LRP1: variants seen among roughly 807,000 people sequenced by gnomAD.
LRP1 encodes the protein LDL receptor related protein 1.
In LRP1, 51 loss-of-function variants were observed where a neutral mutation model predicts 541.5. The ratio of observed to expected loss-of-function variants is 0.09; its 90% CI spans 0.08 to 0.12. The LOEUF (loss-of-function observed/expected upper bound fraction) is 0.12. LRP1 is among the 10% of genes least tolerant of loss of function. The pLI is 1.00. For missense variants in LRP1, 3,878 were observed against 6,376.2 expected, an observed-to-expected ratio of 0.61 and a Z score of 13.34; for synonymous variants, 2,219 against 2,470.8, an observed-to-expected ratio of 0.90 and a Z score of 3.02.
Position 57,185,661 on chromosome 12 carries a change from C to G in LRP1, c.6594C>G (p.Ala2198=), listed in dbSNP as rs368597339. ...ACGGAGCATCGTGCCGCGAGTATGC[C>G]GGCTACCTGCTCTACTCAGAGCGCA... ...AEDGASCREY[A]GYLLYSERTI... The change falls in exon 41 of 89, where the codon GCC becomes GCG. Residue 2198 remains alanine (A), a synonymous_variant. Coordinates refer to ENST00000243077, the MANE Select transcript of LRP1 (RefSeq NM_002332.3). The surrounding 1 kb of genome is among the most constrained non-coding windows in gnomAD (Gnocchi z 4.9). The G allele has an allele frequency of 1.2e-6, 2 of 1,613,388 alleles. No individual in the cohort carries two copies. The highest frequency in any genetic ancestry group is 2.7e-5 in the African/African-American group (2 of 74,922).
chr12:57,144,300 A>G (rs1442755623), intron 4 of LRP1, among the ~76,000 whole-genome samples: 2 of 151,642 alleles, frequency 1.3e-5, no homozygotes, highest in African/African-American at 4.8e-5. Flanking sequence ...ATGTTCCACA[A>G]TTTTTTTTTC....
At chr12:57,166,772 C>T (rs191141912) in intron 17 of LRP1, among the ~76,000 whole-genome samples, 158 bp from the exon 18 acceptor site, 2 of 152,296 alleles carry the variant, frequency 1.3e-5, no homozygotes, top group African/African-American at 4.8e-5. Flanking sequence ...AAGAGTAAAG[C>T]ATCCAGTGAG....
rs548671555 is a variant in LRP1 at position 57,209,091 on chromosome 12, G to C, written c.12154G>C (p.Val4052Leu). Residue 4052 changes from valine to leucine, a missense_variant, in exon 79 of 89, where the codon GTG becomes CTG. By Grantham distance (32) the Val-to-Leu change is conservative. Around this residue, in one of 13 missense-constraint regions of LRP1, gnomAD observed 871 missense variants for 1,212.4 expected, o/e 0.72. Coordinates refer to ENST00000243077, the MANE Select transcript of LRP1 (RefSeq NM_002332.3). ...GCTCTCTCTCTCCCCAGGCCTGGCC[G>C]TGGATTATCACAATGAGCGGCTGTA... is the stretch of plus-strand genomic sequence containing the variant. ...DNIQWPTGLA[V>L]DYHNERLYWA... is the part of the protein sequence containing the mutation. 1.4e-4 allele frequency: 220 copies of C among 1,612,734 alleles called. 4 individuals carry two copies. The South Asian group carries it at 2.4e-3, about 17-fold the overall frequency.
At position 57,151,557 on chromosome 12, in the gene LRP1, C is replaced by T. The variant is rs559174110; in HGVS notation, c.842-2651C>T. On this transcript the variant is annotated intron_variant, in intron 6 of 88. Transcript: ENST00000243077. ...GGTGGTTGGCCCTTAGAAGGCTGGGCGACAAGGGGACGGCTCCCCTCAGGG... is the reference window on the plus strand; with the variant it reads ...GGTGGTTGGCCCTTAGAAGGCTGGGTGACAAGGGGACGGCTCCCCTCAGGG... 5.9e-5 allele frequency among the ~76,000 whole-genome samples: 9 copies of T among 152,334 alleles called. No individual in the cohort carries two copies. In the South Asian group the frequency reaches 1.7e-3, roughly 28 times the overall value.
rs2036126036 is a variant in LRP1 at position 57,179,861 on chromosome 12, G to A, written c.5046G>A (p.Lys1682=). The A allele has an allele frequency of 1.4e-5, 23 of 1,614,172 alleles. No individual in the cohort carries two copies. The highest frequency in any genetic ancestry group is 1.9e-5 in the Non-Finnish European group (23 of 1,180,044). ...LFWTSYDTNK[K]QINVARLDGS... ...GGACAAGCTATGACACCAATAAGAA[G>A]CAGATCAATGTGGCCCGGCTGGATG... The change falls in exon 30 of 89, where the codon AAG becomes AAA. Residue 1682 remains lysine, a synonymous_variant. Coordinates refer to ENST00000243077, the MANE Select transcript of LRP1 (RefSeq NM_002332.3). This position sits in a 1 kb window ranked among gnomAD's most constrained non-coding sequence, Gnocchi z 6.8.
At position 57,201,160 on chromosome 12, in the gene LRP1, G is replaced by T. The variant is rs771162698; in HGVS notation, c.10345+7G>T. 2 of 1,613,992 alleles carry T rather than the reference G, an allele frequency of 1.2e-6. No homozygotes were observed. Among genetic ancestry groups the T allele is most frequent in the Admixed American group, 3.3e-5 (2 of 60,016 alleles). On this transcript the variant is annotated splice_region_variant and intron_variant, in intron 65 of 88. Coordinates refer to ENST00000243077, the MANE Select transcript of LRP1 (RefSeq NM_002332.3). This position sits in a 1 kb window ranked among gnomAD's most constrained non-coding sequence, Gnocchi z 6.4. ...GAGGATGAGAGGGACTGCCGTGAGTGTCAGAGGTGGTGGTGGGCCGGTGGT... is the reference window on the plus strand; with the variant it reads ...GAGGATGAGAGGGACTGCCGTGAGTTTCAGAGGTGGTGGTGGGCCGGTGGT...
intron 19 of LRP1, 115 bp from the exon 20 acceptor site, chr12:57,169,025 G>A (rs562440304): frequency 7.3e-6 from 6 of 817,272 alleles, no homozygotes; most frequent in Admixed American, 2.2e-5. Flanking sequence ...TTTCCCAGTG[G>A]GGGGGTTAGG....
Position 57,177,684 on chromosome 12 carries a change from C to A in LRP1, c.4361+93C>A. On this transcript the variant is annotated intron_variant, in intron 26 of 88. Coordinates refer to ENST00000243077, the MANE Select transcript of LRP1 (RefSeq NM_002332.3). The surrounding 1 kb of genome is among the most constrained non-coding windows in gnomAD (Gnocchi z 6.8). ...TGGTGATGAGGGTGATGAGAAGGAC[C>A]AAGGGATCTAGAACTAGGAACGGTG... 1.4e-6 allele frequency: 2 copies of A among 1,413,610 alleles called. No individual in the cohort carries two copies. Among genetic ancestry groups the A allele is most frequent in the Non-Finnish European group, 9.7e-7 (1 of 1,027,926 alleles). The allele number at this position is 1,413,610 out of a possible 1,614,324, so 87.6% of individuals were successfully genotyped here. A position where few individuals can be genotyped will look rare whatever the true frequency, so the allele number is the denominator to read the frequency against.
rs748616847 is a variant in LRP1, at chr12:57,177,014, A to T, written c.3992-27A>T. 1.0e-5 allele frequency: 16 copies of T among 1,600,148 alleles called. No individual in the cohort carries two copies. Among genetic ancestry groups the T allele is most frequent in the Non-Finnish European group, 2.6e-6 (3 of 1,168,688 alleles). On this transcript the variant is annotated intron_variant, in intron 24 of 88. Coordinates refer to ENST00000243077, the MANE Select transcript of LRP1 (RefSeq NM_002332.3). This position sits in a 1 kb window ranked among gnomAD's most constrained non-coding sequence, Gnocchi z 6.8. Reference sequence around the variant, plus strand: ...CATGCACAGCTCCCCAGGAGACGCTAACCTTTCACTGCCCTCTCTTCTCCA... The same window carrying T: ...CATGCACAGCTCCCCAGGAGACGCTTACCTTTCACTGCCCTCTCTTCTCCA...
chr12:57,143,057 C>A (rs1326419984), intron 3 of LRP1, among the ~76,000 whole-genome samples: 3 of 152,178 alleles, frequency 2.0e-5, no homozygotes, highest in Non-Finnish European at 2.9e-5. Context: ...CCTCTCCCCC[C>A]TCCTGTCTCA....
At chr12:57,188,562 G>A (rs1290046398) in intron 42 of LRP1, among the ~76,000 whole-genome samples, 1 of 152,132 alleles carries the variant, frequency 6.6e-6, no homozygotes, top group Non-Finnish European at 1.5e-5. Context: ...GTCTGGGGAT[G>A]GCCTCAGAGC....
chr12:57,194,819 A>G, intron 50 of LRP1, 120 bp downstream of exon 50: 2 of 1,321,492 alleles, frequency 1.5e-6, no homozygotes, highest in East Asian at 2.4e-5. Flanking sequence ...CCTGCCCCAC[A>G]CCCCAACTCT....
chr12:57,167,087 G>T, intron 18 of LRP1, 41 bp downstream of exon 18: 1 of 1,550,490 alleles, frequency 6.4e-7, no homozygotes, highest in South Asian at 1.1e-5. Context: ...GGGCCTGGGG[G>T]AGGGGCATCC....
intron 46 of LRP1, 124 bp from the exon 47 acceptor site, chr12:57,193,442 A>G: frequency 6.7e-7 from 1 of 1,501,568 alleles, no homozygotes; most frequent in Non-Finnish European, 9.0e-7. Context: ...GGGCAGAACC[A>G]CTGTTAGCCT....
At chr12:57,150,568 C>T (rs532086596) in intron 6 of LRP1, among the ~76,000 whole-genome samples, 1 of 152,230 alleles carries the variant, frequency 6.6e-6, no homozygotes, top group South Asian at 2.1e-4. Flanking sequence ...GGTGTTAGCC[C>T]CAAATGGCCC....
intron 76 of LRP1, among the ~76,000 whole-genome samples, chr12:57,207,297 CTAAA>C (rs72030270): frequency 0.84 from 113,411 of 134,292 alleles, 46,721 homozygotes; most frequent in Non-Finnish European, 0.91. Context: ...GACTCGGTCT[CTAAA>C]TAAATAAATA....
At chr12:57,182,816 C>CA (rs558504776) in intron 34 of LRP1, among the ~76,000 whole-genome samples, 48 of 150,770 alleles carry the variant, frequency 3.2e-4, no homozygotes, top group Non-Finnish European at 4.9e-4. Flanking sequence ...AATTCCGTCT[C>CA]AAAAAAAACA....
chr12:57,191,455 G>T lies in LRP1; in HGVS notation c.7372G>T (p.Val2458Leu). ...HVGSNMKLLR[V>L]DIPQQPMGII... is the part of the protein sequence containing the mutation. ...GGGCAGCAACATGAAGCTGCTGCGC[G>T]TGGACATCCCCCAGCAGCCCATGGG... The change falls in exon 44 of 89, where the codon GTG (valine) becomes TTG (leucine). Residue 2458 changes from valine (V) to leucine (L), a missense_variant. Physicochemically the swap from Val to Leu is conservative, Grantham distance 32. Transcript: ENST00000243077. 6.2e-7 allele frequency: 1 copy of T among 1,611,462 alleles called. No homozygotes were observed. The highest frequency in any genetic ancestry group is 1.3e-5 in the African/African-American group (1 of 74,872).
intron 76 of LRP1, 137 bp from the exon 77 acceptor site, chr12:57,207,901 T>C (rs2036819628): frequency 4.2e-6 from 4 of 944,506 alleles, no homozygotes; most frequent in Non-Finnish European, 6.4e-6. Context: ...ATAAGCTCCA[T>C]GCCGGTTGAA....
Sources: allele counts gnomAD v4.1 joint callset (sites outside exome capture counted in the v4.1 genomes callset), GRCh38; gene constraint gnomAD v4.1.1; regional missense constraint gnomAD v4.1.1; non-coding constraint Gnocchi (gnomAD v3.1); transcripts MANE v1.5; gene names NCBI Gene and HGNC (gene_info 2026-07-23, HGNC 2026-07-21).